Variants in SPDYE12 observed in about 807,000 individuals in gnomAD.
The protein encoded by SPDYE12 is speedy/RINGO cell cycle regulator family member E12.
the SPDYE12 span, among the ~76,000 whole-genome samples, chr7:74,910,444 CT>C: frequency 4.4e-4 from 66 of 149,242 alleles, 2 homozygotes; most frequent in African/African-American, 1.6e-3. Context: ...AATCTCAGCA[CT>C]TTGGGAGGCC....
chr7:74,909,032 G>GTTTTTTTTTTTTTTTT, the SPDYE12 span, among the ~76,000 whole-genome samples: 1 of 30,336 alleles, frequency 3.3e-5, no homozygotes. Context: ...TTTTTTGCCT[G>GTTTTTTTTTTTTTTTT]GTTTTTTTTT....
the SPDYE12 span, among the ~76,000 whole-genome samples, chr7:74,909,119 C>G: frequency 1.5e-5 from 2 of 134,080 alleles, no homozygotes; most frequent in Admixed American, 1.7e-4. Context: ...AGTGGCTCAA[C>G]CTTAGCATAC....
At chr7:74,909,033 G>GTTTTTTTTTTTTTTTTTGCTTT in the SPDYE12 span, among the ~76,000 whole-genome samples, 1 of 32,000 alleles carries the variant, frequency 3.1e-5, no homozygotes, top group African/African-American at 6.1e-5. Flanking sequence ...TTTTTGCCTG[G>GTTTTTTTTTTTTTTTTTGCTTT]TTTTTTTTTT....
At chr7:74,908,834 C>T in the SPDYE12 span, among the ~76,000 whole-genome samples, 33 of 148,508 alleles carry the variant, frequency 2.2e-4, 1 homozygote, top group East Asian at 7.9e-4. Context: ...CCACCACACC[C>T]GGCTAATTTT....
chr7:74,915,014 C>T, the SPDYE12 span, among the ~76,000 whole-genome samples: 7,440 of 151,552 alleles, frequency 0.049, 156 homozygotes, highest in Middle Eastern at 0.15. Context: ...AGGAGTCTCT[C>T]GCTCATGGGA....
the SPDYE12 span, among the ~76,000 whole-genome samples, chr7:74,908,923 C>T: frequency 6.7e-5 from 10 of 149,674 alleles, no homozygotes; most frequent in East Asian, 3.9e-4. Flanking sequence ...CCTTGTGATC[C>T]GCCCACCTCG....
the SPDYE12 span, chr7:74,911,012 T>G: frequency 1.3e-6 from 1 of 774,210 alleles, no homozygotes; most frequent in Non-Finnish European, 2.1e-6. Context: ...TGGCTGCGGG[T>G]GAGGTGGATG....
the SPDYE12 span, among the ~76,000 whole-genome samples, chr7:74,904,627 T>TA: frequency 8.6e-5 from 13 of 151,478 alleles, no homozygotes; most frequent in African/African-American, 3.1e-4. Context: ...GATTGAAAGG[T>TA]AAAAGATTTA....
the SPDYE12 span, among the ~76,000 whole-genome samples, chr7:74,907,817 G>C: frequency 1.3e-3 from 188 of 149,910 alleles, 1 homozygote; most frequent in East Asian, 0.019. Context: ...AGCTAATCAA[G>C]AGGCTGAGGT....
the SPDYE12 span, chr7:74,910,765 G>A: frequency 2.1e-6 from 3 of 1,427,742 alleles, no homozygotes; most frequent in Non-Finnish European, 2.9e-6. Flanking sequence ...GAGAACTGTG[G>A]GTTTGGAAGC....
chr7:74,909,824 C>T, the SPDYE12 span, among the ~76,000 whole-genome samples: 2 of 149,176 alleles, frequency 1.3e-5, no homozygotes, highest in Non-Finnish European at 3.0e-5. Context: ...GGTGATGCTC[C>T]CAGGATGGTG....
chr7:74,909,032 G>GT, the SPDYE12 span, among the ~76,000 whole-genome samples: 21 of 30,340 alleles, frequency 6.9e-4, no homozygotes, highest in East Asian at 0.017. Context: ...TTTTTTGCCT[G>GT]GTTTTTTTTT....
chr7:74,914,390 A>ACAAAT, the SPDYE12 span, among the ~76,000 whole-genome samples: 1 of 42,766 alleles, frequency 2.3e-5, no homozygotes, highest in African/African-American at 8.0e-5. Flanking sequence ...CATCTCTAAA[A>ACAAAT]CAAAACAAAA....
the SPDYE12 span, among the ~76,000 whole-genome samples, chr7:74,907,594 C>A: frequency 1.3e-5 from 2 of 150,474 alleles, no homozygotes; most frequent in East Asian, 1.9e-4. Flanking sequence ...CAGCCTGGTG[C>A]GGTGGCACAC....
At chr7:74,910,002 G>C in the SPDYE12 span, among the ~76,000 whole-genome samples, 1 of 151,060 alleles carries the variant, frequency 6.6e-6, no homozygotes, top group Non-Finnish European at 1.5e-5. Flanking sequence ...AGGACTCATA[G>C]GGGAGGCAGG....
chr7:74,911,023 G>A, the SPDYE12 span: 179 of 685,906 alleles, frequency 2.6e-4, 5 homozygotes, highest in Middle Eastern at 2.3e-3. Context: ...GAGGTGGATG[G>A]GAGAGGGGAG....
chr7:74,908,620 C>T, the SPDYE12 span, among the ~76,000 whole-genome samples: 3 of 141,290 alleles, frequency 2.1e-5, no homozygotes, highest in African/African-American at 7.8e-5. Context: ...TCCTTTTCTT[C>T]TCCCCTTAGG....
chr7:74,910,710 AAAC>A, the SPDYE12 span: 2 of 1,371,394 alleles, frequency 1.5e-6, no homozygotes, highest in East Asian at 4.6e-5. Context: ...ACAAAAACAA[AAAC>A]AAAAAAAAAC....
At chr7:74,908,571 G>A in the SPDYE12 span, among the ~76,000 whole-genome samples, 4 of 140,522 alleles carry the variant, frequency 2.8e-5, no homozygotes, top group South Asian at 2.4e-4. Flanking sequence ...AACCGGAAAC[G>A]TCTGCTTGCT....
Sources: allele counts gnomAD v4.1 joint callset (sites outside exome capture counted in the v4.1 genomes callset), GRCh38; gene constraint gnomAD v4.1.1; transcripts MANE v1.5; gene names NCBI Gene and HGNC (gene_info 2026-07-23, HGNC 2026-07-21).